RBFOX1: variants seen among roughly 807,000 people sequenced by gnomAD.
The protein encoded by RBFOX1 is RNA binding protein fox-1 homolog 1.
Under a neutral mutation model 57.7 loss-of-function variants are expected in RBFOX1, and 8 were observed. The ratio of observed to expected loss-of-function variants is 0.14; its 90% CI spans 0.08 to 0.25. RBFOX1 has a LOEUF of 0.25. RBFOX1 is among the 10% of genes least tolerant of loss of function. The pLI is 1.00. For synonymous variants in RBFOX1, 326 were observed against 222.4 expected (o/e 1.47, Z -4.15); for missense variants, 611 against 548.5 (o/e 1.11, Z -1.14).
chr16:5,642,075 A>T lies in RBFOX1; in HGVS notation c.318+43114A>T, dbSNP rs2048896264. On this transcript the variant is annotated intron_variant, in intron 3 of 19. Coordinates refer to the RBFOX1 transcript ENST00000641259. ...AGACTGGGAGGAGGCCATGGTCTGG[A>T]CTTAGGGAAAGTCACTGAGGATCTC... is the stretch of plus-strand genomic sequence containing the variant. Among the ~76,000 whole-genome samples, 4 of 152,114 alleles carry T rather than the reference A, an allele frequency of 2.6e-5. 1 individual carries two copies. In the South Asian group the frequency reaches 8.3e-4, roughly 32 times the overall value.
intron 5 of RBFOX1, among the ~76,000 whole-genome samples, chr16:7,571,166 G>A (rs1205705031): frequency 6.6e-6 from 1 of 151,784 alleles, no homozygotes; most frequent in Non-Finnish European, 1.5e-5. Flanking sequence ...CATGGCACAC[G>A]TTTACTTATG....
At chr16:6,322,972 A>G (rs1384092960) in intron 2 of RBFOX1, among the ~76,000 whole-genome samples, 3 of 152,226 alleles carry the variant, frequency 2.0e-5, no homozygotes, top group East Asian at 1.9e-4. Context: ...TGTTGTTTAC[A>G]TTTCCCCTAT....
chr16:6,541,111 C>T (rs1438850585), intron 2 of RBFOX1, among the ~76,000 whole-genome samples: 1 of 152,126 alleles, frequency 6.6e-6, no homozygotes, highest in Non-Finnish European at 1.5e-5. Context: ...ACCTGTGTTT[C>T]AGAGAGGGAA....
At chr16:5,794,842 C>T (rs965284345) in intron 3 of RBFOX1, among the ~76,000 whole-genome samples, 9 of 152,234 alleles carry the variant, frequency 5.9e-5, no homozygotes, top group Admixed American at 2.6e-4. Context: ...ATGTATTAGC[C>T]GCCAAGAGGC....
chr16:6,450,765 G>GTATATATATATACATATATA (rs1303973736), intron 2 of RBFOX1, among the ~76,000 whole-genome samples: 4 of 19,452 alleles, frequency 2.1e-4, no homozygotes, highest in African/African-American at 2.0e-4. Flanking sequence ...ATATATATAT[G>GTATATATATATACATATATA]TGTATATATA....
At chr16:6,883,807 T>C (rs1346755600) in intron 3 of RBFOX1, among the ~76,000 whole-genome samples, 2 of 152,016 alleles carry the variant, frequency 1.3e-5, no homozygotes, top group South Asian at 2.1e-4. Context: ...TTTTTTTTTC[T>C]TTTCTCTATT....
At chr16:6,864,192 A>G (rs868207268) in intron 3 of RBFOX1, among the ~76,000 whole-genome samples, 1 of 152,080 alleles carries the variant, frequency 6.6e-6, no homozygotes, top group Non-Finnish European at 1.5e-5. Context: ...CATTACATAA[A>G]TAATTCACTT....
intron 3 of RBFOX1, among the ~76,000 whole-genome samples, chr16:6,991,641 A>G (rs1001211926): frequency 1.3e-5 from 2 of 152,114 alleles, no homozygotes; most frequent in African/African-American, 4.8e-5. Context: ...GGCTCAAGCC[A>G]TCCTCCTACC....
In RBFOX1 at chr16:6,958,116, G is replaced by A. The variant is rs923373277; in HGVS notation, c.-15-93941G>A. On this transcript the variant is annotated intron_variant, in intron 3 of 15. Coordinates refer to ENST00000550418, the MANE Select transcript of RBFOX1 (RefSeq NM_018723.4). ...CGGCTTGTGAGCTGCAGAAATGGGT[G>A]ACCGGATTTTGCACGTTTTTTGAGA... 7.9e-5 allele frequency among the ~76,000 whole-genome samples: 12 copies of A among 152,132 alleles called. 1 individual carries two copies. In the East Asian group the frequency reaches 2.1e-3, roughly 27 times the overall value.
At chr16:5,853,810 T>C (rs1049367485) in intron 3 of RBFOX1, among the ~76,000 whole-genome samples, 2 of 152,122 alleles carry the variant, frequency 1.3e-5, no homozygotes, top group African/African-American at 4.8e-5. Flanking sequence ...GGCTGGAGTA[T>C]AGCGGTTCAA....
At chr16:7,018,797 A>AAAG (rs907759862) in intron 3 of RBFOX1, among the ~76,000 whole-genome samples, 2 of 151,094 alleles carry the variant, frequency 1.3e-5, no homozygotes, top group African/African-American at 2.4e-5. Context: ...TAAAAAAAAA[A>AAAG]AAGAAGAAAT....
In RBFOX1 at chr16:5,301,597, T is replaced by C. The variant is rs563612759; in HGVS notation, c.219+61492T>C. On this transcript the variant is annotated intron_variant, in intron 1 of 2. Transcript: ENST00000585867. Reference sequence around the variant, plus strand: ...TTGCGCCACTGCACTCCAGCCTGGGTGACACAGCAAGTCTCCATCTCAAAA... The same window carrying C: ...TTGCGCCACTGCACTCCAGCCTGGGCGACACAGCAAGTCTCCATCTCAAAA... 2.5e-5 allele frequency among the ~76,000 whole-genome samples: 3 copies of C among 120,940 alleles called. No individual in the cohort carries two copies. In the South Asian group the frequency reaches 8.9e-4, roughly 36 times the overall value. The allele number at this position is 120,940 out of a possible 152,430, so 79.3% of individuals were successfully genotyped here.
chr16:7,310,039 A>G (rs2096273717), intron 4 of RBFOX1, among the ~76,000 whole-genome samples: 2 of 152,232 alleles, frequency 1.3e-5, no homozygotes, highest in African/African-American at 4.8e-5. Context: ...GGCTGTTGGC[A>G]TGATGCAGCT....
intron 3 of RBFOX1, among the ~76,000 whole-genome samples, chr16:6,735,402 A>T (rs144158412): frequency 3.1e-3 from 465 of 152,274 alleles, no homozygotes; most frequent in Non-Finnish European, 4.3e-3. Flanking sequence ...AAGGATTGGA[A>T]AATTGTAAAT....
intron 1 of RBFOX1, among the ~76,000 whole-genome samples, chr16:5,261,771 C>T (rs192826013): frequency 6.6e-6 from 1 of 152,046 alleles, no homozygotes; most frequent in African/African-American, 2.4e-5. Flanking sequence ...AGGATGGTCT[C>T]GATCTCCTGA....
At chr16:5,680,848 G>C (rs529416495) in intron 3 of RBFOX1, among the ~76,000 whole-genome samples, 2 of 152,074 alleles carry the variant, frequency 1.3e-5, no homozygotes, top group Non-Finnish European at 2.9e-5. Flanking sequence ...TAGACATAGA[G>C]TAATGAACAA....
chr16:6,175,505 G>C (rs112753105), intron 1 of RBFOX1, among the ~76,000 whole-genome samples: 2 of 152,212 alleles, frequency 1.3e-5, no homozygotes, highest in South Asian at 4.2e-4. Flanking sequence ...CTGTAGGTCG[G>C]GGGGGTGGGG....
intron 3 of RBFOX1, among the ~76,000 whole-genome samples, chr16:7,018,834 C>G (rs903642208): frequency 2.0e-5 from 3 of 151,986 alleles, no homozygotes; most frequent in African/African-American, 7.2e-5. Context: ...AAAACCCACT[C>G]TAGGCCAGGT....
intron 3 of RBFOX1, among the ~76,000 whole-genome samples, chr16:6,788,448 T>A (rs1186394843): frequency 6.6e-6 from 1 of 151,722 alleles, no homozygotes; most frequent in Non-Finnish European, 1.5e-5. Context: ...TGCACTGATT[T>A]TTTTTTTATT....
Sources: gnomAD v4.1 joint callset for allele counts (sites outside exome capture counted in the v4.1 genomes callset) on GRCh38, gnomAD v4.1.1 for gene constraint, MANE v1.5 for transcripts, NCBI Gene and HGNC (gene_info 2026-07-23, HGNC 2026-07-21) for gene names.